ACMSD: variants seen among roughly 807,000 people sequenced by gnomAD.
ACMSD encodes the protein aminocarboxymuconate semialdehyde decarboxylase, also known as 2-amino-3-carboxymuconate-6-semialdehyde decarboxylase.
In ACMSD, 37 loss-of-function variants were observed where a neutral mutation model predicts 45.9. The ratio of observed to expected loss-of-function variants is 0.81; its 90% CI spans 0.62 to 1.06. The LOEUF is 1.06. Among genes scored for constraint, ACMSD ranks in the 50% least tolerant of loss-of-function variants. ACMSD has a pLI of 0.00. For synonymous variants in ACMSD, 138 were observed against 148.8 expected, an observed-to-expected ratio of 0.93 and a Z score of 0.53; for missense variants, 434 against 420.9, an observed-to-expected ratio of 1.03 and a Z score of -0.27.
chr2:134,847,831 G>A (rs992881287), intron 2 of ACMSD, among the ~76,000 whole-genome samples: 1 of 150,094 alleles, frequency 6.7e-6, no homozygotes, highest in Non-Finnish European at 1.5e-5. Context: ...GTATATATAT[G>A]CCACATTTTC....
intron 2 of ACMSD, among the ~76,000 whole-genome samples, chr2:134,847,942 C>T (rs900266594): frequency 1.3e-4 from 20 of 151,974 alleles, no homozygotes; most frequent in Non-Finnish European, 4.4e-5. Flanking sequence ...ACCTCTGCCT[C>T]CCGGGTTCAA....
intron 2 of ACMSD, among the ~76,000 whole-genome samples, chr2:134,854,558 A>G (rs1687492152): frequency 6.6e-6 from 1 of 152,234 alleles, no homozygotes; most frequent in African/African-American, 2.4e-5. Flanking sequence ...ACCCCTGTCT[A>G]CAGGTGGACT....
chr2:134,881,029 T>G (rs143847924), intron 8 of ACMSD, among the ~76,000 whole-genome samples: 2,892 of 152,360 alleles, frequency 0.019, 109 homozygotes, highest in East Asian at 0.14. Flanking sequence ...AGACAAAGTC[T>G]CACTCTGTCA....
intron 8 of ACMSD, among the ~76,000 whole-genome samples, chr2:134,885,361 CATATATATTATATATA>C (rs1573705235): frequency 1.0e-5 from 1 of 95,736 alleles, no homozygotes; most frequent in East Asian, 2.5e-4. Flanking sequence ...TATATATTTA[CATATATATTATATATA>C]ATATATATGT....
At chr2:134,851,053 G>C (rs1687318169) in intron 2 of ACMSD, among the ~76,000 whole-genome samples, 1 of 152,152 alleles carries the variant, frequency 6.6e-6, no homozygotes, top group Non-Finnish European at 1.5e-5. Flanking sequence ...GCAGTGTTTG[G>C]TTTTCTGTTC....
At chr2:134,864,284 T>C (rs1432606345) in intron 5 of ACMSD, among the ~76,000 whole-genome samples, 4 of 144,392 alleles carry the variant, frequency 2.8e-5, no homozygotes, top group Admixed American at 6.9e-5. Flanking sequence ...AAAAAAAAAA[T>C]CTGCTTTGGA....
chr2:134,895,346 TATAAC>T, intron 8 of ACMSD, among the ~76,000 whole-genome samples: 5 of 145,792 alleles, frequency 3.4e-5, no homozygotes, highest in African/African-American at 7.5e-5. Flanking sequence ...ATAATATATA[TATAAC>T]ATATATAATA....
At position 134,874,058 on chromosome 2, in the gene ACMSD, C is replaced by A. The variant is rs1440275498; in HGVS notation, c.849+1417C>A. ...AAGCCCATTTTCTAAGGGATACTATCAGCACCTTCAGCGAGCACCCAGTGC... is the reference window on the plus strand; with the variant it reads ...AAGCCCATTTTCTAAGGGATACTATAAGCACCTTCAGCGAGCACCCAGTGC... On this transcript the variant is annotated intron_variant, in intron 8 of 9. Coordinates refer to ENST00000356140, the MANE Select transcript of ACMSD (RefSeq NM_138326.3). 2.0e-5 allele frequency among the ~76,000 whole-genome samples: 3 copies of A among 152,220 alleles called. No homozygotes were observed. In the East Asian group the frequency reaches 5.8e-4, roughly 29 times the overall value.
In ACMSD at chr2:134,863,480, T is replaced by C. The variant is rs1255983552; in HGVS notation, c.335T>C (p.Val112Ala). Residue 112 changes from valine (V) to alanine (A), a missense_variant, in exon 5 of 10, where the codon GTG (valine) becomes GCG (alanine). Transcript: ENST00000356140. The stretch of plus-strand genomic sequence containing the variant: ...GTTGTGAGCTACCCCAGGAGGTTCG[T>C]GGGTCTGGGGACGTTGCCCATGCAG... ...STVVSYPRRF[V>A]GLGTLPMQAP... The C allele has an allele frequency of 1.9e-6, 3 of 1,614,142 alleles. No homozygotes were observed. Among genetic ancestry groups the C allele is most frequent in the African/African-American group, 1.3e-5 (1 of 74,952 alleles).
intron 8 of ACMSD, among the ~76,000 whole-genome samples, chr2:134,875,193 G>A (rs773354498): frequency 6.6e-6 from 1 of 152,024 alleles, no homozygotes; most frequent in Non-Finnish European, 1.5e-5. Flanking sequence ...TAGAGACAGG[G>A]TTTTGCCATG....
intron 8 of ACMSD, among the ~76,000 whole-genome samples, chr2:134,875,223 C>A (rs1473932457): frequency 6.6e-6 from 1 of 152,096 alleles, no homozygotes; most frequent in Non-Finnish European, 1.5e-5. Context: ...AGGTCCTGGA[C>A]TTCAGCAATC....
At chr2:134,850,935 C>T (rs1378084568) in intron 2 of ACMSD, among the ~76,000 whole-genome samples, 1 of 152,134 alleles carries the variant, frequency 6.6e-6, no homozygotes, top group Non-Finnish European at 1.5e-5. Context: ...GTTTCTCAGG[C>T]CTTGTCTCCT....
At position 134,859,288 on chromosome 2, in the gene ACMSD, A is replaced by G; in HGVS notation, c.130A>G (p.Lys44Glu). The change falls in exon 3 of 10, where the codon AAA becomes GAA. Residue 44 changes from lysine (K) to glutamate (E), a missense_variant. Coordinates refer to ENST00000356140, the MANE Select transcript of ACMSD (RefSeq NM_138326.3). ...KGEAKLLKDG[K>E]VFRVVRENCW... The stretch of plus-strand genomic sequence containing the variant: ...AGAAGCAAAGTTGTTGAAAGATGGG[A>G]AAGTCTTCAGAGTGGTGCGAGAGAA... 1 of 1,614,060 alleles carries G rather than the reference A, an allele frequency of 6.2e-7. No individual in the cohort carries two copies.
rs149845217 is a variant in ACMSD at position 134,844,064 on chromosome 2, A to G, written c.58-1169A>G. Among the ~76,000 whole-genome samples the G allele has an allele frequency of 3.3e-5, 5 of 152,362 alleles. No individual in the cohort carries two copies. In the East Asian group the frequency reaches 9.6e-4, roughly 29 times the overall value. The stretch of plus-strand genomic sequence containing the variant: ...TTTCTCTGCCCTAGTAAGGCTTGTC[A>G]TAGATGGGACTCCATGAAAGCGTGA... On this transcript the variant is annotated intron_variant, in intron 1 of 9. Transcript: ENST00000356140.
chr2:134,845,342 A>C, intron 2 of ACMSD, 65 bp downstream of exon 2: 107 of 1,581,524 alleles, frequency 6.8e-5, no homozygotes, highest in Non-Finnish European at 8.6e-5. Flanking sequence ...GGGATACCTC[A>C]CTGCAGGCTG....
At chr2:134,898,018 T>C (rs1204073974) in intron 8 of ACMSD, among the ~76,000 whole-genome samples, 1 of 151,478 alleles carries the variant, frequency 6.6e-6, no homozygotes, top group Non-Finnish European at 1.5e-5. Flanking sequence ...TCCCTTAATT[T>C]CATCTGAATA....
intron 8 of ACMSD, among the ~76,000 whole-genome samples, chr2:134,885,795 C>T (rs1225182163): frequency 6.6e-6 from 1 of 152,048 alleles, no homozygotes; most frequent in East Asian, 1.9e-4. Flanking sequence ...GAGTAATAAT[C>T]AGTCGAGTGG....
At chr2:134,889,867 C>T (rs75630520) in intron 8 of ACMSD, among the ~76,000 whole-genome samples, 8,263 of 151,310 alleles carry the variant, frequency 0.055, 342 homozygotes, top group African/African-American at 0.11. Context: ...GAATTATAAC[C>T]AATTGGATAA....
intron 8 of ACMSD, among the ~76,000 whole-genome samples, chr2:134,885,254 A>T (rs1444240532): frequency 9.3e-6 from 1 of 107,646 alleles, no homozygotes; most frequent in South Asian, 2.4e-4. Flanking sequence ...ATATTTATAT[A>T]TAATATATAT....
Sources: allele counts gnomAD v4.1 joint callset (sites outside exome capture counted in the v4.1 genomes callset), GRCh38; gene constraint gnomAD v4.1.1; transcripts MANE v1.5; gene names NCBI Gene and HGNC (gene_info 2026-07-23, HGNC 2026-07-21).